Variants in MCU observed in about 807,000 individuals in gnomAD.
MCU encodes mitochondrial calcium uniporter, also known as calcium uniporter protein, mitochondrial.
In MCU, 12 loss-of-function variants were observed where a neutral mutation model predicts 45.2. The ratio of observed to expected loss-of-function variants is 0.27; its 90% confidence interval spans 0.17 to 0.43. MCU has a LOEUF of 0.43. Among genes scored for constraint, MCU ranks in the 20% least tolerant of loss-of-function variants. The probability of loss-of-function intolerance (pLI) is 1.00; values close to 1 mark genes in which losing one functional copy is unlikely to be tolerated. For synonymous variants in MCU, 160 were observed against 165.1 expected (o/e 0.97, Z 0.24); for missense variants, 324 against 436.7 (o/e 0.74, Z 2.30).
chr10:72,884,440 T>A, intron 7 of MCU, 58 bp downstream of exon 7: 2 of 935,358 alleles, frequency 2.1e-6, no homozygotes, highest in Non-Finnish European at 3.5e-6. Flanking sequence ...TTATTATTAT[T>A]ATCCACAGCC....
chr10:72,765,397 G>A (rs1843711357), intron 1 of MCU, among the ~76,000 whole-genome samples: 1 of 152,004 alleles, frequency 6.6e-6, no homozygotes, highest in Non-Finnish European at 1.5e-5. Flanking sequence ...CTTCTATAAA[G>A]TTGTTATTTC....
In MCU at chr10:72,814,650, A is replaced by G. The variant is rs1373117342; in HGVS notation, c.151-19709A>G. Among the ~76,000 whole-genome samples the G allele has an allele frequency of 3.3e-5, 5 of 152,252 alleles. No individual in the cohort carries two copies. In the South Asian group the frequency reaches 8.3e-4, roughly 25 times the overall value. ...TACAAACAATGAAGCATAACTTGCCAAATACATACTATGAAATCTAGACCA... is the reference window on the plus strand; with the variant it reads ...TACAAACAATGAAGCATAACTTGCCGAATACATACTATGAAATCTAGACCA... On this transcript the variant is annotated intron_variant, in intron 1 of 7. Transcript: ENST00000373053.
intron 1 of MCU, among the ~76,000 whole-genome samples, chr10:72,711,547 T>TA (rs199631324): frequency 6.9e-4 from 98 of 141,068 alleles, no homozygotes; most frequent in Non-Finnish European, 9.2e-4. Context: ...TCTTAATACT[T>TA]AAAAAAAAAA....
At chr10:72,727,766 T>C (rs1375101416) in intron 1 of MCU, among the ~76,000 whole-genome samples, 1 of 152,230 alleles carries the variant, frequency 6.6e-6, no homozygotes, top group South Asian at 2.1e-4. Flanking sequence ...TAAGAAGTTT[T>C]ATATTCTTGT....
intron 1 of MCU, among the ~76,000 whole-genome samples, chr10:72,795,708 G>C (rs1422158186): frequency 1.3e-5 from 2 of 152,120 alleles, no homozygotes; most frequent in African/African-American, 4.8e-5. Flanking sequence ...AGTTAAAAAT[G>C]CCACTCTGGG....
intron 4 of MCU, among the ~76,000 whole-genome samples, chr10:72,863,587 G>A (rs1186605519): frequency 6.6e-6 from 1 of 152,160 alleles, no homozygotes; most frequent in Non-Finnish European, 1.5e-5. Flanking sequence ...TGTCATGAAT[G>A]CATGAAATAT....
In MCU at chr10:72,729,955, T is replaced by A. The variant is rs993361046; in HGVS notation, c.150+37654T>A. ...TCTCTTCACTCTCTTCAGCATTCTT[T>A]TTTTTTTTTTTTTTTTTTTTCGAGA... is the stretch of plus-strand genomic sequence containing the variant. On this transcript the variant is annotated intron_variant, in intron 1 of 7. Transcript: ENST00000373053. Among the ~76,000 whole-genome samples the A allele has an allele frequency of 3.2e-3, 101 of 32,040 alleles. 1 individual carries two copies. Among genetic ancestry groups the A allele is most frequent in the African/African-American group, 9.2e-3 (97 of 10,546 alleles). 21.0% of individuals were successfully genotyped at this position (32,040 alleles called of 152,430 possible).
At chr10:72,828,882 C>T (rs1363466646) in intron 1 of MCU, among the ~76,000 whole-genome samples, 1 of 152,170 alleles carries the variant, frequency 6.6e-6, no homozygotes, top group Non-Finnish European at 1.5e-5. Context: ...AGACGTTATA[C>T]TTTCTTTTAG....
intron 1 of MCU, among the ~76,000 whole-genome samples, chr10:72,786,694 C>T (rs370607778): frequency 3.3e-5 from 5 of 151,994 alleles, no homozygotes; most frequent in African/African-American, 9.6e-5. Context: ...TGCAATGAGC[C>T]GAGATTGTGC....
At chr10:72,711,735 A>C (rs1306668902) in intron 1 of MCU, among the ~76,000 whole-genome samples, 2 of 129,058 alleles carry the variant, frequency 1.5e-5, no homozygotes, top group Non-Finnish European at 3.3e-5. Context: ...TTTTTGAGAC[A>C]GAGTCTCACT....
chr10:72,742,667 A>G (rs1382022521), intron 1 of MCU, among the ~76,000 whole-genome samples: 3 of 152,220 alleles, frequency 2.0e-5, no homozygotes, highest in Non-Finnish European at 4.4e-5. Context: ...GCAAACTTTC[A>G]CACATATAAG....
chr10:72,780,116 C>T (rs745595044), intron 1 of MCU, among the ~76,000 whole-genome samples: 6 of 152,038 alleles, frequency 3.9e-5, no homozygotes, highest in African/African-American at 1.2e-4. Flanking sequence ...AATGAAATAC[C>T]GACACATACT....
intron 1 of MCU, among the ~76,000 whole-genome samples, chr10:72,810,635 GT>G (rs1844528437): frequency 2.8e-5 from 1 of 35,806 alleles, no homozygotes; most frequent in Non-Finnish European, 1.5e-4. Context: ...GCCCAGCTAG[GT>G]TGTTGTTGTT....
At chr10:72,749,746 G>A (rs1261577579) in intron 1 of MCU, among the ~76,000 whole-genome samples, 1 of 152,064 alleles carries the variant, frequency 6.6e-6, no homozygotes, top group African/African-American at 2.4e-5. Context: ...CCTAGTTAAA[G>A]GGTGCTGTTG....
chr10:72,775,180 A>G (rs575714801), intron 1 of MCU, among the ~76,000 whole-genome samples: 1 of 152,330 alleles, frequency 6.6e-6, no homozygotes, highest in Admixed American at 6.5e-5. Context: ...TAAAAAACAG[A>G]AATAATATCA....
chr10:72,770,223 G>A (rs1034328215), intron 1 of MCU, among the ~76,000 whole-genome samples: 2 of 151,984 alleles, frequency 1.3e-5, no homozygotes, highest in African/African-American at 4.8e-5. Flanking sequence ...AGCATGTGAT[G>A]TCTTATATTT....
chr10:72,746,156 G>A (rs1020516948), intron 1 of MCU, among the ~76,000 whole-genome samples: 1 of 152,048 alleles, frequency 6.6e-6, no homozygotes, highest in Non-Finnish European at 1.5e-5. Context: ...ACAGTATAGC[G>A]TGAAACCTAG....
intron 1 of MCU, among the ~76,000 whole-genome samples, chr10:72,706,356 G>T (rs755288948): frequency 8.6e-5 from 13 of 151,680 alleles, no homozygotes; most frequent in Non-Finnish European, 1.2e-4. Context: ...GACTCAGAAG[G>T]TATAACAATA....
chr10:72,703,821 A>G (rs909995884), intron 1 of MCU, among the ~76,000 whole-genome samples: 1 of 152,052 alleles, frequency 6.6e-6, no homozygotes, highest in Non-Finnish European at 1.5e-5. Flanking sequence ...GCTTGAACCC[A>G]GGAGGCAGAG....
Sources: gnomAD v4.1 joint callset for allele counts (sites outside exome capture counted in the v4.1 genomes callset) on GRCh38, gnomAD v4.1.1 for gene constraint, MANE v1.5 for transcripts, NCBI Gene and HGNC (gene_info 2026-07-23, HGNC 2026-07-21) for gene names.